Variants in NET1 observed in about 807,000 individuals in gnomAD.
NET1 encodes the protein neuroepithelial cell transforming 1.
A neutral mutation model predicts 61.1 loss-of-function variants in NET1; 42 were observed. The observed-to-expected ratio is 0.69, with a 90% CI of 0.54 to 0.89. The LOEUF (loss-of-function observed/expected upper bound fraction) is 0.89, where lower values mean the gene tolerates loss of function less well. NET1 is among the 40% of genes least tolerant of loss of function. The pLI is 0.00. For missense variants in NET1, 654 were observed against 747.3 expected, an observed-to-expected ratio of 0.88 and a Z score of 1.46; for synonymous variants, 254 against 281.8, an observed-to-expected ratio of 0.90 and a Z score of 0.99.
Position 5,412,697 on chromosome 10 carries a change from A to G in NET1, c.5A>G (p.Glu2Gly). 1 of 1,473,120 alleles carries G rather than the reference A, an allele frequency of 6.8e-7. No homozygotes were observed. Among genetic ancestry groups the G allele is most frequent in the Non-Finnish European group, 8.9e-7 (1 of 1,121,878 alleles). 91.3% of individuals were successfully genotyped at this position (1,473,120 alleles called of 1,614,324 possible). ...CCCCACCCCCTCCTCCGTGCCATGG[A>G]GCCCGAGCTGGCGGCTCAGAAGCAG... Reference protein sequence around the residue: MEPELAAQKQPR... With the variant: MGPELAAQKQPR... Residue 2 changes from glutamate (E) to glycine (G), a missense_variant, in exon 1 of 12, where the codon GAG (glutamate) becomes GGG (glycine). By Grantham distance (98) the Glu-to-Gly change is moderately conservative. Coordinates refer to ENST00000355029, the MANE Select transcript of NET1 (RefSeq NM_001047160.3). The surrounding 1 kb of genome is among the most constrained non-coding windows in gnomAD (Gnocchi z 6.5).
At chr10:5,436,216 G>A (rs1447083896) in intron 3 of NET1, among the ~76,000 whole-genome samples, 3,092 of 37,292 alleles carry the variant, frequency 0.083, 211 homozygotes, top group Non-Finnish European at 0.11. Context: ...GTGTGTGTGT[G>A]TGTGTGTGCA....
At position 5,443,429 on chromosome 10, in the gene NET1, G is replaced by C. The variant is rs1162648547; in HGVS notation, c.256-8401G>C. Among the ~76,000 whole-genome samples the C allele has an allele frequency of 6.6e-6, 1 of 152,152 alleles. No homozygotes were observed. Among genetic ancestry groups the C allele is most frequent in the Non-Finnish European group, 1.5e-5 (1 of 68,032 alleles). On this transcript the variant is annotated intron_variant, in intron 3 of 11. Transcript: ENST00000355029. This position sits in a 1 kb window ranked among gnomAD's most constrained non-coding sequence, Gnocchi z 4.8. Reference sequence around the variant, plus strand: ...ATAACATATAGAACTCTAGCACAAAGTAAGACCTTAAATTTTTCTTCTATT... The same window carrying C: ...ATAACATATAGAACTCTAGCACAAACTAAGACCTTAAATTTTTCTTCTATT...
At position 5,412,940 on chromosome 10, in the gene NET1, G is replaced by A; in HGVS notation, c.128+120G>A. ...GGAGGGGAGGGCTGGCCGGGAGTTGGATGTGGGGGGCGGCGAGTGGGGGTG... is the reference window on the plus strand; with the variant it reads ...GGAGGGGAGGGCTGGCCGGGAGTTGAATGTGGGGGGCGGCGAGTGGGGGTG... On this transcript the variant is annotated intron_variant, in intron 1 of 11. Coordinates refer to ENST00000355029, the MANE Select transcript of NET1 (RefSeq NM_001047160.3). The surrounding 1 kb of genome is among the most constrained non-coding windows in gnomAD (Gnocchi z 6.5). The A allele has an allele frequency of 1.1e-6, 1 of 902,418 alleles. No homozygotes were observed. Among genetic ancestry groups the A allele is most frequent in the Non-Finnish European group, 1.4e-6 (1 of 709,162 alleles). 55.9% of individuals were successfully genotyped at this position (902,418 alleles called of 1,614,324 possible).
In NET1 at chr10:5,441,617, C is replaced by A. The variant is rs1418375507; in HGVS notation, c.256-10213C>A. 1.3e-5 allele frequency among the ~76,000 whole-genome samples: 2 copies of A among 152,186 alleles called. No homozygotes were observed. Among genetic ancestry groups the A allele is most frequent in the Non-Finnish European group, 2.9e-5 (2 of 68,028 alleles). Reference sequence around the variant, plus strand: ...TTTGTGTTGTCATCGCACAAAAGAACCATTGTTTTGACAATACCAAACTTA... The same window carrying A: ...TTTGTGTTGTCATCGCACAAAAGAAACATTGTTTTGACAATACCAAACTTA... On this transcript the variant is annotated intron_variant, in intron 3 of 11. Coordinates refer to ENST00000355029, the MANE Select transcript of NET1 (RefSeq NM_001047160.3). This position sits in a 1 kb window ranked among gnomAD's most constrained non-coding sequence, Gnocchi z 4.6.
At position 5,420,100 on chromosome 10, in the gene NET1, T is replaced by C. The variant is rs185563400; in HGVS notation, c.129-6555T>C. Among the ~76,000 whole-genome samples, 62 of 152,352 alleles carry C rather than the reference T, an allele frequency of 4.1e-4. No individual in the cohort carries two copies. Among genetic ancestry groups the C allele is most frequent in the African/African-American group, 1.5e-3 (61 of 41,590 alleles). Reference sequence around the variant, plus strand: ...TTCAGCCATTGTTTCTCTGAAGTTTTTTTCTGCTCTTTTCTCTTTTCCTCT... The same window carrying C: ...TTCAGCCATTGTTTCTCTGAAGTTTCTTTCTGCTCTTTTCTCTTTTCCTCT... On this transcript the variant is annotated intron_variant, in intron 1 of 11. Coordinates refer to ENST00000355029, the MANE Select transcript of NET1 (RefSeq NM_001047160.3). This position sits in a 1 kb window ranked among gnomAD's most constrained non-coding sequence, Gnocchi z 5.3.
In NET1 at chr10:5,415,737, C is replaced by CTCACG. The variant is rs1220797845; in HGVS notation, c.128+2917_128+2918insTCACG. 2.6e-5 allele frequency among the ~76,000 whole-genome samples: 4 copies of CTCACG among 152,112 alleles called. No homozygotes were observed. Among genetic ancestry groups the CTCACG allele is most frequent in the Non-Finnish European group, 5.9e-5 (4 of 68,030 alleles). Reference sequence around the variant, plus strand: ...TACAGGCGTGAGCCACCGCACCTGGCCCTGTTCATTTTTAAATTTCTTTTT... The same window carrying CTCACG: ...TACAGGCGTGAGCCACCGCACCTGGCTCACGCCTGTTCATTTTTAAATTTCTTTTT... On this transcript the variant is annotated intron_variant, in intron 1 of 11. Coordinates refer to ENST00000355029, the MANE Select transcript of NET1 (RefSeq NM_001047160.3). This position sits in a 1 kb window ranked among gnomAD's most constrained non-coding sequence, Gnocchi z 4.7.
In NET1 at chr10:5,454,437, G is replaced by A. The variant is rs1205204380; in HGVS notation, c.941G>A (p.Arg314His). 2.5e-6 allele frequency: 4 copies of A among 1,613,948 alleles called. No individual in the cohort carries two copies. The highest frequency in any genetic ancestry group is 3.4e-6 in the Non-Finnish European group (4 of 1,179,996). Residue 314 changes from arginine (R) to histidine (H), a missense_variant, in exon 9 of 12, where the codon CGC (arginine) becomes CAC (histidine). Coordinates refer to ENST00000355029, the MANE Select transcript of NET1 (RefSeq NM_001047160.3). The surrounding 1 kb of genome is among the most constrained non-coding windows in gnomAD (Gnocchi z 8.1). Reference protein sequence around the residue: ...LWSFLDIPRSRLVKYPLLLKE... With the variant: ...LWSFLDIPRSHLVKYPLLLKE... ...AGTTTCCTAGATATCCCTCGAAGTC[G>A]CCTAGTCAAATACCCTTTACTGTTA...
chr10:5,446,679 A>T lies in NET1; in HGVS notation c.256-5151A>T. 2 of 1,367,872 alleles carry T rather than the reference A, an allele frequency of 1.5e-6. No individual in the cohort carries two copies. The highest frequency in any genetic ancestry group is 4.1e-5 in the South Asian group (2 of 48,448). The allele number at this position is 1,367,872 out of a possible 1,614,324, so 84.7% of individuals were successfully genotyped here. ...CCGAGGGTGGCCGAGCTCTGGGAAG[A>T]AAAGCCCGTGTGCCTCTGCATAGCG... On this transcript the variant is annotated intron_variant, in intron 3 of 11. Coordinates refer to ENST00000355029, the MANE Select transcript of NET1 (RefSeq NM_001047160.3). This position sits in a 1 kb window ranked among gnomAD's most constrained non-coding sequence, Gnocchi z 5.0.
Position 5,452,475 on chromosome 10 carries a change from G to A in NET1, c.481G>A (p.Asp161Asn), listed in dbSNP as rs1412920656. ...CAGTGCACTGTGGTCAGAGATGCTG[G>A]ACATCACCATGAAGGAGTCTCTCAC... ...RSSALWSEML[D>N]ITMKESLTTR... The change falls in exon 5 of 12, where the codon GAC becomes AAC. Residue 161 changes from aspartate to asparagine, a missense_variant. Transcript: ENST00000355029. This position sits in a 1 kb window ranked among gnomAD's most constrained non-coding sequence, Gnocchi z 4.0. 6.2e-7 allele frequency: 1 copy of A among 1,614,104 alleles called. No individual in the cohort carries two copies. The highest frequency in any genetic ancestry group is 1.7e-5 in the Admixed American group (1 of 60,018).
In NET1 at chr10:5,452,455, C is replaced by G; in HGVS notation, c.461C>G (p.Ala154Gly). ...ACACCCGCCAAGAGAAGGAGCAGTG[C>G]ACTGTGGTCAGAGATGCTGGACATC... is the stretch of plus-strand genomic sequence containing the variant. ...VPTPAKRRSS[A>G]LWSEMLDITM... The change falls in exon 5 of 12, where the codon GCA becomes GGA. Residue 154 changes from alanine to glycine, a missense_variant. Ala to Gly is a moderately conservative substitution (Grantham distance 60, BLOSUM62 0). Coordinates refer to ENST00000355029, the MANE Select transcript of NET1 (RefSeq NM_001047160.3). This position sits in a 1 kb window ranked among gnomAD's most constrained non-coding sequence, Gnocchi z 4.0. 6.2e-7 allele frequency: 1 copy of G among 1,614,130 alleles called. No individual in the cohort carries two copies. The highest frequency in any genetic ancestry group is 8.5e-7 in the Non-Finnish European group (1 of 1,180,012).
Position 5,440,030 on chromosome 10 carries a change from C to T in NET1, c.255+10801C>T, listed in dbSNP as rs75230736. Reference sequence around the variant, plus strand: ...GGGGAGATCCCAGAAAGCCTCAGGCCGTTGGATCTATTAAAACTTTTCCAA... The same window carrying T: ...GGGGAGATCCCAGAAAGCCTCAGGCTGTTGGATCTATTAAAACTTTTCCAA... On this transcript the variant is annotated intron_variant, in intron 3 of 11. Coordinates refer to ENST00000355029, the MANE Select transcript of NET1 (RefSeq NM_001047160.3). The surrounding 1 kb of genome is among the most constrained non-coding windows in gnomAD (Gnocchi z 4.1). Among the ~76,000 whole-genome samples, 243 of 152,292 alleles carry T rather than the reference C, an allele frequency of 1.6e-3. 1 individual carries two copies. Among genetic ancestry groups the T allele is most frequent in the African/African-American group, 5.3e-3 (222 of 41,554 alleles).
Position 5,435,719 on chromosome 10 carries a change from A to G in NET1, c.255+6490A>G, listed in dbSNP as rs1217821866. 6.6e-6 allele frequency among the ~76,000 whole-genome samples: 1 copy of G among 152,198 alleles called. No homozygotes were observed. Among genetic ancestry groups the G allele is most frequent in the Non-Finnish European group, 1.5e-5 (1 of 68,032 alleles). ...ATCTTATATGAAGAATTTAATTCTGATGTCAATTGAATTTTCATGTTATGG... is the reference window on the plus strand; with the variant it reads ...ATCTTATATGAAGAATTTAATTCTGGTGTCAATTGAATTTTCATGTTATGG... On this transcript the variant is annotated intron_variant, in intron 3 of 11. Transcript: ENST00000355029. This position sits in a 1 kb window ranked among gnomAD's most constrained non-coding sequence, Gnocchi z 5.0.
At chr10:5,436,225 CATATAT>C (rs1411296575) in intron 3 of NET1, among the ~76,000 whole-genome samples, 1 of 24,648 alleles carries the variant, frequency 4.1e-5, no homozygotes, top group Non-Finnish European at 6.8e-5. Context: ...TGTGTGTGTG[CATATAT>C]ATATATATAT....
chr10:5,456,584 T>C lies in NET1; in HGVS notation c.1385-4T>C, dbSNP rs1832803008. ...TCTTTTTTTTTTCCAATTTTTTTTT[T>C]CAGCTAAAAATATCTTTAGAATTCG... On this transcript the variant is annotated splice_polypyrimidine_tract_variant and splice_region_variant and intron_variant, in intron 11 of 11. Coordinates refer to ENST00000355029, the MANE Select transcript of NET1 (RefSeq NM_001047160.3). The surrounding 1 kb of genome is among the most constrained non-coding windows in gnomAD (Gnocchi z 7.0). 6.6e-7 allele frequency: 1 copy of C among 1,520,644 alleles called. No individual in the cohort carries two copies. Among genetic ancestry groups the C allele is most frequent in the South Asian group, 1.3e-5 (1 of 76,324 alleles). The allele number at this position is 1,520,644 out of a possible 1,614,324, so 94.2% of individuals were successfully genotyped here. A position where few individuals can be genotyped will look rare whatever the true frequency, so the allele number is the denominator to read the frequency against.
Position 5,455,091 on chromosome 10 carries a change from T to G in NET1, c.1170T>G (p.His390Gln). Residue 390 changes from histidine (H) to glutamine (Q), a missense_variant, in exon 10 of 12, where the codon CAT becomes CAG. Transcript: ENST00000355029. The surrounding 1 kb of genome is among the most constrained non-coding windows in gnomAD (Gnocchi z 6.5). The stretch of plus-strand genomic sequence containing the variant: ...AAGCGAGCAAAGTGCTGCTGTGCCA[T>G]GGGGAGCTGCGGAGCAAGAGTGGAC... ...RIEASKVLLC[H>Q]GELRSKSGHK... The G allele has an allele frequency of 6.2e-7, 1 of 1,613,678 alleles. No homozygotes were observed. The highest frequency in any genetic ancestry group is 1.1e-5 in the South Asian group (1 of 91,064).
intron 3 of NET1, among the ~76,000 whole-genome samples, chr10:5,438,802 C>G (rs1350143890): frequency 1.3e-5 from 2 of 152,196 alleles, no homozygotes; most frequent in Non-Finnish European, 1.5e-5. Flanking sequence ...TAGACCAACA[C>G]CATTTCTCAG....
At position 5,452,035 on chromosome 10, in the gene NET1, A is replaced by G; in HGVS notation, c.363+98A>G. ...GCTGTACAAACAAGTTTGCATTATT[A>G]TATTTAAACATAGTTTTCTTTTTGG... On this transcript the variant is annotated intron_variant, in intron 4 of 11. Coordinates refer to ENST00000355029, the MANE Select transcript of NET1 (RefSeq NM_001047160.3). This position sits in a 1 kb window ranked among gnomAD's most constrained non-coding sequence, Gnocchi z 4.0. 1 of 841,166 alleles carries G rather than the reference A, an allele frequency of 1.2e-6. No individual in the cohort carries two copies. 52.1% of individuals were successfully genotyped at this position (841,166 alleles called of 1,614,324 possible). A position where few individuals can be genotyped will look rare whatever the true frequency, so the allele number is the denominator to read the frequency against.
Position 5,444,056 on chromosome 10 carries a change from G to T in NET1, c.256-7774G>T, listed in dbSNP as rs1832566216. 6.6e-6 allele frequency among the ~76,000 whole-genome samples: 1 copy of T among 152,216 alleles called. No individual in the cohort carries two copies. Among genetic ancestry groups the T allele is most frequent in the African/African-American group, 2.4e-5 (1 of 41,460 alleles). On this transcript the variant is annotated intron_variant, in intron 3 of 11. Transcript: ENST00000355029. The surrounding 1 kb of genome is among the most constrained non-coding windows in gnomAD (Gnocchi z 5.3). ...CCTAGGCTGTTCATATTAGCTCTGA[G>T]AATGTAGGTAGATCACTGTTCTTAA...
At chr10:5,433,485 T>C (rs1161113379) in intron 3 of NET1, among the ~76,000 whole-genome samples, 1 of 152,178 alleles carries the variant, frequency 6.6e-6, no homozygotes, top group Non-Finnish European at 1.5e-5. Flanking sequence ...TGGAGTTGAG[T>C]AGATTCTCAG....
Sources: allele counts gnomAD v4.1 joint callset (sites outside exome capture counted in the v4.1 genomes callset), GRCh38; gene constraint gnomAD v4.1.1; non-coding constraint Gnocchi (gnomAD v3.1); transcripts MANE v1.5; gene names NCBI Gene and HGNC (gene_info 2026-07-23, HGNC 2026-07-21).